The following TRPS1 variants were observed in gnomAD, a reference collection of about 807,000 sequenced individuals.
TRPS1 encodes zinc finger transcription factor Trps1.
In TRPS1, 6 loss-of-function variants were observed where a neutral mutation model predicts 101.2. The ratio of observed to expected loss-of-function variants is 0.06; its 90% CI spans 0.03 to 0.12. The LOEUF (loss-of-function observed/expected upper bound fraction) is 0.12. Ranked by LOEUF, TRPS1 falls within the 10% of genes least tolerant of loss-of-function variation. The pLI is 1.00. For missense variants in TRPS1, 1,363 were observed against 1,567.0 expected, an observed-to-expected ratio of 0.87 and a Z score of 2.20; for synonymous variants, 578 against 589.8, an observed-to-expected ratio of 0.98 and a Z score of 0.29.
chr8:115,463,631 A>G (rs1200490747), intron 5 of TRPS1, among the ~76,000 whole-genome samples: 1 of 152,106 alleles, frequency 6.6e-6, no homozygotes, highest in African/African-American at 2.4e-5. Context: ...AGAAATAACT[A>G]CTTTGCTAAA....
intron 5 of TRPS1, among the ~76,000 whole-genome samples, chr8:115,487,817 T>C (rs888315754): frequency 3.3e-5 from 5 of 152,132 alleles, no homozygotes; most frequent in Non-Finnish European, 7.4e-5. Context: ...TAAGAAGAAA[T>C]CTAGTCCTAG....
At chr8:115,555,627 C>T (rs1022308481) in intron 5 of TRPS1, among the ~76,000 whole-genome samples, 1 of 151,946 alleles carries the variant, frequency 6.6e-6, no homozygotes, top group Non-Finnish European at 1.5e-5. Context: ...GGGCAGAGCT[C>T]AGGCCAGTAT....
chr8:115,627,800 T>C (rs940073212), intron 1 of TRPS1, among the ~76,000 whole-genome samples: 1 of 151,826 alleles, frequency 6.6e-6, no homozygotes, highest in Non-Finnish European at 1.5e-5. Flanking sequence ...AACAGCTTTC[T>C]TTGTTCTCCC....
rs1271004875 is a variant in TRPS1 at position 115,614,271 on chromosome 8, G to A, written c.966+4861C>T. On this transcript the variant is annotated intron_variant, in intron 3 of 6. Transcript: ENST00000395715. ...AATGCTAAATTTGATTGAATCCACT[G>A]ATAACCACAATTTATTCTCCTAAAC... 2.0e-5 allele frequency among the ~76,000 whole-genome samples: 3 copies of A among 152,160 alleles called. No individual in the cohort carries two copies. In the East Asian group the frequency reaches 5.8e-4, roughly 29 times the overall value.
Position 115,567,043 on chromosome 8 carries a change from C to T in TRPS1, c.2700+19958G>A, listed in dbSNP as rs555471978. Among the ~76,000 whole-genome samples, 11 of 152,226 alleles carry T rather than the reference C, an allele frequency of 7.2e-5. 1 individual carries two copies. The highest frequency in any genetic ancestry group is 6.2e-4 in the South Asian group (3 of 4,832). On this transcript the variant is annotated intron_variant, in intron 5 of 6. Transcript: ENST00000395715. The stretch of plus-strand genomic sequence containing the variant: ...CATCTTTCTCATTTGAGAAAATTTA[C>T]ATTGCTTTCCCTGGAATATTTCTTG...
At chr8:115,482,631 A>C (rs908571132) in intron 5 of TRPS1, among the ~76,000 whole-genome samples, 7 of 152,212 alleles carry the variant, frequency 4.6e-5, no homozygotes, top group Non-Finnish European at 1.0e-4. Context: ...GTTGGGATAC[A>C]TCAATTTAAT....
At position 115,564,455 on chromosome 8, in the gene TRPS1, GAC is replaced by G. The variant is rs551295308; in HGVS notation, c.2700+22544_2700+22545del. 4.7e-3 allele frequency among the ~76,000 whole-genome samples: 714 copies of G among 152,182 alleles called. 2 individuals are homozygous for G. The highest frequency in any genetic ancestry group is 0.014 in the Middle Eastern group (4 of 292). ...CAAAACAAAAACAATAGATCCTGAT[GAC>G]ACAGGTCTATTTATACAAACGATTG... is the stretch of plus-strand genomic sequence containing the variant. On this transcript the variant is annotated intron_variant, in intron 5 of 6. Transcript: ENST00000395715.
chr8:115,522,726 T>C (rs1383720722), intron 5 of TRPS1, among the ~76,000 whole-genome samples: 1 of 152,110 alleles, frequency 6.6e-6, no homozygotes, highest in Non-Finnish European at 1.5e-5. Flanking sequence ...TAATGTAAAT[T>C]CGACATATTT....
chr8:115,529,806 T>C (rs189612260), intron 5 of TRPS1, among the ~76,000 whole-genome samples: 102 of 152,290 alleles, frequency 6.7e-4, no homozygotes, highest in Middle Eastern at 3.4e-3. Context: ...TTGATAACTC[T>C]AGTTTTCAGC....
At chr8:115,585,576 A>G (rs559783966) in intron 5 of TRPS1, among the ~76,000 whole-genome samples, 1 of 152,212 alleles carries the variant, frequency 6.6e-6, no homozygotes, top group Non-Finnish European at 1.5e-5. Flanking sequence ...AGAAGCCATG[A>G]GTCACTTGAG....
chr8:115,438,127 T>G (rs1813502554), intron 5 of TRPS1, among the ~76,000 whole-genome samples: 1 of 152,232 alleles, frequency 6.6e-6, no homozygotes, highest in Non-Finnish European at 1.5e-5. Flanking sequence ...CTAAAGCATG[T>G]AAACCTAGTA....
chr8:115,610,931 A>G (rs1818147299), intron 3 of TRPS1, among the ~76,000 whole-genome samples: 1 of 152,110 alleles, frequency 6.6e-6, no homozygotes, highest in Admixed American at 6.5e-5. Flanking sequence ...AGCCTGGCCA[A>G]CATGGTGAAA....
At chr8:115,622,643 C>T (rs1317478912) in intron 2 of TRPS1, among the ~76,000 whole-genome samples, 2 of 152,100 alleles carry the variant, frequency 1.3e-5, no homozygotes, top group African/African-American at 2.4e-5. Flanking sequence ...ATAACTATAT[C>T]ATTTCTATTT....
At chr8:115,445,280 T>G (rs549610275) in intron 5 of TRPS1, among the ~76,000 whole-genome samples, 2 of 152,192 alleles carry the variant, frequency 1.3e-5, no homozygotes, top group Admixed American at 6.5e-5. Flanking sequence ...TTCCAGGGCT[T>G]CTTCTTAAGA....
At chr8:115,497,309 A>C (rs148048965) in intron 5 of TRPS1, among the ~76,000 whole-genome samples, 1 of 152,218 alleles carries the variant, frequency 6.6e-6, no homozygotes, top group Non-Finnish European at 1.5e-5. Context: ...CGAAGTTCAC[A>C]ATAGGGTTTA....
At chr8:115,626,726 C>A (rs1818516878) in intron 1 of TRPS1, among the ~76,000 whole-genome samples, 1 of 151,678 alleles carries the variant, frequency 6.6e-6, no homozygotes. Context: ...GCACAAAAGC[C>A]CATTAATAGT....
At chr8:115,513,163 A>G (rs909019910) in intron 5 of TRPS1, among the ~76,000 whole-genome samples, 5 of 151,820 alleles carry the variant, frequency 3.3e-5, no homozygotes, top group African/African-American at 1.2e-4. Flanking sequence ...AATAGAAATT[A>G]AATTGAACTT....
chr8:115,655,554 T>C (rs1337262051), intron 1 of TRPS1, among the ~76,000 whole-genome samples: 1 of 152,188 alleles, frequency 6.6e-6, no homozygotes, highest in Non-Finnish European at 1.5e-5. Flanking sequence ...TTTTTGTACA[T>C]GGTTTTATTA....
At chr8:115,645,124 T>C (rs983487561) in intron 1 of TRPS1, among the ~76,000 whole-genome samples, 1 of 152,208 alleles carries the variant, frequency 6.6e-6, no homozygotes. Context: ...TAGATTTGCT[T>C]GACACAGGGT....
Sources: allele counts gnomAD v4.1 joint callset (sites outside exome capture counted in the v4.1 genomes callset), GRCh38; gene constraint gnomAD v4.1.1; transcripts MANE v1.5; gene names NCBI Gene and HGNC (gene_info 2026-07-23, HGNC 2026-07-21).